Variants in LRRC37A2 observed in about 807,000 individuals in gnomAD.
The protein encoded by LRRC37A2 is leucine-rich repeat-containing protein 37A2.
Under a neutral mutation model 68.8 loss-of-function variants are expected in LRRC37A2, and 9 were observed. The ratio of observed to expected loss-of-function variants is 0.13; its 90% CI spans 0.08 to 0.23. LRRC37A2 has a LOEUF of 0.23. Among genes scored for constraint, LRRC37A2 ranks in the 10% least tolerant of loss-of-function variants. LRRC37A2 has a pLI of 1.00. For synonymous variants in LRRC37A2, 63 were observed against 367.6 expected (o/e 0.17, Z 9.48); for missense variants, 168 against 950.4 (o/e 0.18, Z 10.82).
At chr17:46,863,482 G>A in the LRRC37A2 span, among the ~76,000 whole-genome samples, 2 of 152,288 alleles carry the variant, frequency 1.3e-5, no homozygotes, top group East Asian at 1.9e-4. Flanking sequence ...TCTGCCATGC[G>A]GAACTGATGG....
At chr17:46,922,482 T>C in the LRRC37A2 span, among the ~76,000 whole-genome samples, 1 of 152,036 alleles carries the variant, frequency 6.6e-6, no homozygotes, top group Non-Finnish European at 1.5e-5. Context: ...TAAAGTATAA[T>C]AATAAAAAAT....
At chr17:46,933,630 C>CG in the LRRC37A2 span, 1 of 35,002 alleles carries the variant, frequency 2.9e-5, no homozygotes, top group African/African-American at 7.6e-5. Flanking sequence ...AGTGGCATAA[C>CG]CTTTTTTTTT....
the LRRC37A2 span, among the ~76,000 whole-genome samples, chr17:47,000,660 G>A: frequency 5.7e-4 from 86 of 151,982 alleles, no homozygotes; most frequent in East Asian, 0.016. Flanking sequence ...CCCTTCAGTA[G>A]GTCATTTTCT....
intron 8 of LRRC37A2, among the ~76,000 whole-genome samples, chr17:46,545,450 TAAA>T (rs1345723772): frequency 9.5e-6 from 1 of 105,258 alleles, no homozygotes. Context: ...AAAATAAAAA[TAAA>T]AAATAATAAT....
chr17:46,910,605 G>T, the LRRC37A2 span, among the ~76,000 whole-genome samples: 2 of 152,244 alleles, frequency 1.3e-5, no homozygotes, highest in South Asian at 4.1e-4. Context: ...CCAACCTGGA[G>T]ACTGATTATG....
chr17:46,993,190 T>C, the LRRC37A2 span, among the ~76,000 whole-genome samples: 1 of 152,186 alleles, frequency 6.6e-6, no homozygotes, highest in South Asian at 2.1e-4. Flanking sequence ...GTACTTTTTG[T>C]TTTAGGCAAA....
At chr17:46,881,669 C>T in the LRRC37A2 span, among the ~76,000 whole-genome samples, 3 of 152,304 alleles carry the variant, frequency 2.0e-5, no homozygotes, top group African/African-American at 7.2e-5. Flanking sequence ...CCTCCAGCTG[C>T]TCAATGCCAC....
At chr17:46,889,329 C>A in the LRRC37A2 span, among the ~76,000 whole-genome samples, 3 of 152,096 alleles carry the variant, frequency 2.0e-5, no homozygotes, top group Non-Finnish European at 2.9e-5. Context: ...CCTCCCTGGG[C>A]GTGGCGGGGG....
At chr17:46,809,582 C>T in the LRRC37A2 span, among the ~76,000 whole-genome samples, 3 of 152,222 alleles carry the variant, frequency 2.0e-5, no homozygotes, top group African/African-American at 7.2e-5. Flanking sequence ...ATTAGGATTC[C>T]CTGATGACTA....
the LRRC37A2 span, chr17:46,931,928 C>A: frequency 2.6e-6 from 2 of 767,836 alleles, no homozygotes; most frequent in Middle Eastern, 3.6e-4. Flanking sequence ...AAAATTAGAT[C>A]TTGTGGTGAG....
At chr17:46,762,129 G>T in the LRRC37A2 span, among the ~76,000 whole-genome samples, 1 of 152,224 alleles carries the variant, frequency 6.6e-6, no homozygotes, top group Non-Finnish European at 1.5e-5. Flanking sequence ...AGTTGAAAAC[G>T]TGGTGAGGAG....
At chr17:47,011,508 T>C in the LRRC37A2 span, among the ~76,000 whole-genome samples, 1 of 150,130 alleles carries the variant, frequency 6.7e-6, no homozygotes, top group South Asian at 2.1e-4. Context: ...GCTGAGATTC[T>C]ACCACTGTAC....
At chr17:46,923,159 C>G in the LRRC37A2 span, 7 of 1,412,590 alleles carry the variant, frequency 5.0e-6, no homozygotes, top group East Asian at 2.5e-5. Context: ...CCGAGGAAGC[C>G]AGAGCCGGAG....
At chr17:46,957,208 G>A in the LRRC37A2 span, among the ~76,000 whole-genome samples, 2 of 152,190 alleles carry the variant, frequency 1.3e-5, no homozygotes, top group African/African-American at 2.4e-5. Flanking sequence ...TGGAGGCTGA[G>A]GTGGGAGGAC....
At chr17:46,805,189 G>GA in the LRRC37A2 span, among the ~76,000 whole-genome samples, 1 of 151,858 alleles carries the variant, frequency 6.6e-6, no homozygotes, top group Admixed American at 6.6e-5. Context: ...CCTACCCCTG[G>GA]AATCCCAGCA....
At chr17:46,775,930 C>T in the LRRC37A2 span, among the ~76,000 whole-genome samples, 1 of 152,182 alleles carries the variant, frequency 6.6e-6, no homozygotes, top group Admixed American at 6.5e-5. Context: ...TCTGATTTAT[C>T]GGTGGTAATG....
chr17:46,818,068 T>C, the LRRC37A2 span, among the ~76,000 whole-genome samples: 25 of 152,014 alleles, frequency 1.6e-4, no homozygotes, highest in African/African-American at 6.0e-4. Flanking sequence ...AATCTCTTGA[T>C]GGAGGCGCCG....
At chr17:46,939,493 G>T in the LRRC37A2 span, 1 of 986,350 alleles carries the variant, frequency 1.0e-6, no homozygotes, top group Non-Finnish European at 1.2e-6. Flanking sequence ...AGAGTGGTTG[G>T]CTTTTAAGGT....
At chr17:46,762,550 A>G in the LRRC37A2 span, 17 of 151,556 alleles carry the variant, frequency 1.1e-4, no homozygotes, top group Non-Finnish European at 2.5e-4. Flanking sequence ...ACAGAAAAAA[A>G]CTGCATGATG....
Sources: gnomAD v4.1 joint callset for allele counts (sites outside exome capture counted in the v4.1 genomes callset) on GRCh38, gnomAD v4.1.1 for gene constraint, MANE v1.5 for transcripts, NCBI Gene and HGNC (gene_info 2026-07-23, HGNC 2026-07-21) for gene names.